The following ALG9 variants were observed in gnomAD, a reference collection of about 807,000 sequenced individuals.
ALG9 encodes the protein ALG9 alpha-1,2-mannosyltransferase.
A neutral mutation model predicts 81.8 loss-of-function variants in ALG9; 55 were observed. The observed-to-expected ratio is 0.67, with a 90% CI of 0.54 to 0.84. The LOEUF (loss-of-function observed/expected upper bound fraction) is 0.84, where lower values mean the gene tolerates loss of function less well. Among genes scored for constraint, ALG9 ranks in the 40% least tolerant of loss-of-function variants. The probability of loss-of-function intolerance (pLI) is 0.00; values close to 1 mark genes in which losing one functional copy is unlikely to be tolerated. For synonymous variants in ALG9, 278 were observed against 274.3 expected (o/e 1.01, Z -0.13); for missense variants, 629 against 745.0 (o/e 0.84, Z 1.81).
At chr11:111,788,283 A>T (rs1160005279) in intron 14 of ALG9, among the ~76,000 whole-genome samples, 1 of 152,156 alleles carries the variant, frequency 6.6e-6, no homozygotes, top group Non-Finnish European at 1.5e-5. Flanking sequence ...GATTCTTCCC[A>T]ACTAGGACGC....
At chr11:111,808,645 T>C (rs76385608) in intron 14 of ALG9, among the ~76,000 whole-genome samples, 393 of 152,342 alleles carry the variant, frequency 2.6e-3, no homozygotes, top group African/African-American at 8.8e-3. Flanking sequence ...AGTCCTGTCC[T>C]GGGCCTGGGC....
the ALG9 span, among the ~76,000 whole-genome samples, chr11:111,773,014 G>A: frequency 1.1e-4 from 16 of 151,968 alleles, no homozygotes; most frequent in Middle Eastern, 3.4e-3. Flanking sequence ...CGAGGCAGGC[G>A]GATCACGAGG....
chr11:111,802,766 T>C (rs954586235), intron 14 of ALG9, among the ~76,000 whole-genome samples: 1 of 152,226 alleles, frequency 6.6e-6, no homozygotes, highest in South Asian at 2.1e-4. Flanking sequence ...AGCAACTACA[T>C]GGCCCCGTTT....
chr11:111,850,237 A>C (rs910110888), intron 8 of ALG9, among the ~76,000 whole-genome samples: 1 of 152,232 alleles, frequency 6.6e-6, no homozygotes, highest in African/African-American at 2.4e-5. Flanking sequence ...TCTATGATAC[A>C]ACTGTAAATG....
chr11:111,815,443 T>G (rs1172458674), intron 13 of ALG9, among the ~76,000 whole-genome samples: 2 of 152,092 alleles, frequency 1.3e-5, no homozygotes, highest in African/African-American at 4.8e-5. Context: ...AAAATCATAT[T>G]AATCAAGAGG....
intron 14 of ALG9, chr11:111,804,946 C>T (rs1555083762): frequency 5.2e-6 from 1 of 192,872 alleles, no homozygotes; most frequent in African/African-American, 2.4e-5. Context: ...ATCCAGCAAT[C>T]ATACGCCTTG....
In ALG9 at chr11:111,838,309, A is replaced by G; in HGVS notation, c.1264T>C (p.Leu422=). ...AGCCCAAACAGGAAGACAGTTCCTAATGCCAGCCAATTCGATGTCACAGTA... is the reference window on the plus strand; with the variant it reads ...AGCCCAAACAGGAAGACAGTTCCTAGTGCCAGCCAATTCGATGTCACAGTA... ...HYTVTSNWLA[L]GTVFLFGLLS... Residue 422 remains leucine, a synonymous_variant, in exon 11 of 15, where the codon TTA becomes CTA. Coordinates refer to ENST00000616540, the MANE Select transcript of ALG9 (RefSeq NM_024740.2). 6.2e-7 allele frequency: 1 copy of G among 1,614,188 alleles called. No individual in the cohort carries two copies. The highest frequency in any genetic ancestry group is 8.5e-7 in the Non-Finnish European group (1 of 1,180,000).
At chr11:111,842,294 C>CT (rs1168960513) in intron 9 of ALG9, among the ~76,000 whole-genome samples, 2 of 152,128 alleles carry the variant, frequency 1.3e-5, no homozygotes, top group Non-Finnish European at 2.9e-5. Flanking sequence ...AACGAGTAAT[C>CT]TTTTTTTAAT....
Position 111,853,712 on chromosome 11 carries a change from C to G in ALG9, c.726G>C (p.Leu242=). The part of the protein sequence containing the change: ...ALGLPIAFDL[L]VMKHRWKSFF... ...AACTCTTCCACCTGTGTTTCATGAC[C>G]AGCAAATCAAAGGCAATGGGTAAAC... The change falls in exon 7 of 15, where the codon CTG becomes CTC. Residue 242 remains leucine, a synonymous_variant. Coordinates refer to ENST00000616540, the MANE Select transcript of ALG9 (RefSeq NM_024740.2). The G allele has an allele frequency of 6.2e-7, 1 of 1,614,040 alleles. No individual in the cohort carries two copies. Among genetic ancestry groups the G allele is most frequent in the African/African-American group, 1.3e-5 (1 of 75,030 alleles).
intron 14 of ALG9, among the ~76,000 whole-genome samples, chr11:111,803,505 A>G (rs1394550516): frequency 0.01 from 1 of 98 alleles, no homozygotes; most frequent in Admixed American, 0.071. Flanking sequence ...CATCTCAGGA[A>G]AAAAAAAAAA....
intron 10 of ALG9, among the ~76,000 whole-genome samples, chr11:111,838,929 T>C (rs1017323105): frequency 1.3e-5 from 2 of 152,180 alleles, no homozygotes; most frequent in African/African-American, 4.8e-5. Context: ...TCTGCTGTCT[T>C]TGAGTACCTT....
intron 6 of ALG9, among the ~76,000 whole-genome samples, 178 bp from the exon 7 acceptor site, chr11:111,853,914 T>G (rs1958235793): frequency 6.6e-6 from 1 of 152,162 alleles, no homozygotes; most frequent in South Asian, 2.1e-4. Context: ...TGTATCCCAC[T>G]GATGCACAAG....
intron 6 of ALG9, 103 bp from the exon 7 acceptor site, chr11:111,853,839 A>G (rs1958219961): frequency 9.4e-7 from 1 of 1,058,914 alleles, no homozygotes; most frequent in Non-Finnish European, 1.5e-6. Flanking sequence ...TGCCTCTGCC[A>G]GTTATAGTGA....
chr11:111,773,758 C>CTT, the ALG9 span, among the ~76,000 whole-genome samples: 1,223 of 139,420 alleles, frequency 8.8e-3, 43 homozygotes, highest in Admixed American at 0.057. Flanking sequence ...TTTGTTTTTG[C>CTT]TTTTTTTTTT....
At chr11:111,768,383 T>G in the ALG9 span, among the ~76,000 whole-genome samples, 1 of 151,192 alleles carries the variant, frequency 6.6e-6, no homozygotes, top group African/African-American at 2.4e-5. Flanking sequence ...TTTGTTGTGG[T>G]TTTTTTTTAG....
intron 14 of ALG9, among the ~76,000 whole-genome samples, chr11:111,808,242 G>A (rs1555087269): frequency 6.6e-6 from 1 of 152,094 alleles, no homozygotes; most frequent in African/African-American, 2.4e-5. Flanking sequence ...AAGAACTCAG[G>A]TGCCTCTTTA....
chr11:111,797,033 AG>A (rs1948398984), intron 14 of ALG9, among the ~76,000 whole-genome samples: 3 of 152,226 alleles, frequency 2.0e-5, no homozygotes, highest in Non-Finnish European at 4.4e-5. Context: ...CTCTTCTGTA[AG>A]AAATCACCTT....
intron 8 of ALG9, among the ~76,000 whole-genome samples, chr11:111,850,706 C>CAAAAAAAA (rs782114013): frequency 0.33 from 21,593 of 65,856 alleles, 4,402 homozygotes; most frequent in East Asian, 0.62. Flanking sequence ...GATACTGTCT[C>CAAAAAAAA]AAAAAAAAAA....
intron 14 of ALG9, among the ~76,000 whole-genome samples, chr11:111,795,884 T>G (rs1327795897): frequency 6.6e-6 from 1 of 152,242 alleles, no homozygotes; most frequent in Non-Finnish European, 1.5e-5. Flanking sequence ...GCTGGAGAAA[T>G]GCTCTTCACC....
Sources: allele counts gnomAD v4.1 joint callset (sites outside exome capture counted in the v4.1 genomes callset), GRCh38; gene constraint gnomAD v4.1.1; transcripts MANE v1.5; gene names NCBI Gene and HGNC (gene_info 2026-07-23, HGNC 2026-07-21).